Variants in LRRFIP2 observed in about 807,000 individuals in gnomAD.
The protein encoded by LRRFIP2 is LRR binding FLII interacting protein 2, also known as leucine-rich repeat flightless-interacting protein 2.
Under a neutral mutation model 125.9 loss-of-function variants are expected in LRRFIP2, and 109 were observed. The observed-to-expected ratio is 0.87, with a 90% CI of 0.74 to 1.01. The LOEUF is 1.01. Ranked by LOEUF, LRRFIP2 falls within the 50% of genes least tolerant of loss-of-function variation. LRRFIP2 has a pLI of 0.00. For synonymous variants in LRRFIP2, 291 were observed against 293.1 expected (o/e 0.99, Z 0.07); for missense variants, 850 against 862.3 (o/e 0.99, Z 0.18).
At chr3:37,149,387 C>T (rs546420885) in intron 1 of LRRFIP2, among the ~76,000 whole-genome samples, 230 of 152,122 alleles carry the variant, frequency 1.5e-3, no homozygotes, top group African/African-American at 5.0e-3. Flanking sequence ...CAGGGTGGTG[C>T]ATGTCTGTAA....
chr3:37,075,851 C>A (rs1035417747), intron 19 of LRRFIP2, among the ~76,000 whole-genome samples: 2 of 151,868 alleles, frequency 1.3e-5, no homozygotes, highest in Non-Finnish European at 2.9e-5. Context: ...GAATATAGAC[C>A]AAGGGAGCAG....
chr3:37,058,999 G>C, intron 24 of LRRFIP2, 89 bp from the exon 25 acceptor site: 1 of 1,520,946 alleles, frequency 6.6e-7, no homozygotes, highest in Admixed American at 1.8e-5. Context: ...GAACAAAGCA[G>C]ACCCTTATCG....
intron 23 of LRRFIP2, chr3:37,064,189 G>C (rs1057395327): frequency 5.6e-6 from 1 of 178,310 alleles, no homozygotes; most frequent in African/African-American, 2.4e-5. Context: ...GATGGGGTAA[G>C]AGCAGGACTG....
intron 15 of LRRFIP2, 81 bp downstream of exon 15, chr3:37,102,843 T>C (rs867035019): frequency 1.0e-6 from 1 of 955,788 alleles, no homozygotes; most frequent in Non-Finnish European, 1.6e-6. Flanking sequence ...GTTCCCACTT[T>C]TATTATAAAA....
At chr3:37,156,674 A>C (rs1215960264) in intron 1 of LRRFIP2, among the ~76,000 whole-genome samples, 2 of 37,500 alleles carry the variant, frequency 5.3e-5, no homozygotes, top group Non-Finnish European at 8.1e-5. Context: ...ACTCAGTATC[A>C]AAAAAAAAAA....
intron 6 of LRRFIP2, among the ~76,000 whole-genome samples, chr3:37,119,432 G>A (rs746851702): frequency 9.2e-5 from 14 of 151,960 alleles, no homozygotes; most frequent in Admixed American, 5.2e-4. Context: ...AATTTTGCTG[G>A]TTCTACCTTT....
At chr3:37,107,030 G>A (rs958456517) in intron 13 of LRRFIP2, among the ~76,000 whole-genome samples, 1 of 151,280 alleles carries the variant, frequency 6.6e-6, no homozygotes, top group Non-Finnish European at 1.5e-5. Context: ...TCAGCCTCCC[G>A]AGTAGCTGGG....
At chr3:37,106,667 G>T (rs1477303691) in intron 13 of LRRFIP2, among the ~76,000 whole-genome samples, 1 of 152,046 alleles carries the variant, frequency 6.6e-6, no homozygotes, top group Non-Finnish European at 1.5e-5. Context: ...ATTAGGCCAG[G>T]CACAGTGGTT....
intron 18 of LRRFIP2, among the ~76,000 whole-genome samples, chr3:37,085,585 C>CT (rs113687377): frequency 1.2e-3 from 173 of 145,304 alleles, no homozygotes; most frequent in East Asian, 8.3e-3. Context: ...AAATATAAAA[C>CT]TTTTTTTTTT....
intron 25 of LRRFIP2, 93 bp downstream of exon 25, chr3:37,058,697 G>A (rs1416571800): frequency 2.5e-6 from 3 of 1,195,102 alleles, no homozygotes; most frequent in East Asian, 2.5e-5. Context: ...AAAAAGAAAA[G>A]TGTATTACAA....
chr3:37,134,807 C>T, intron 2 of LRRFIP2: 1 of 874,626 alleles, frequency 1.1e-6, no homozygotes, highest in Non-Finnish European at 1.9e-6. Flanking sequence ...GCGGTGTATT[C>T]TTTTTGGCAA....
chr3:37,112,194 G>A (rs1175598459), intron 8 of LRRFIP2, among the ~76,000 whole-genome samples: 2 of 152,010 alleles, frequency 1.3e-5, no homozygotes, highest in African/African-American at 2.4e-5. Context: ...AAATTAGCCA[G>A]GAAGAGTGGC....
intron 13 of LRRFIP2, among the ~76,000 whole-genome samples, chr3:37,107,379 T>A (rs1576695836): frequency 6.6e-6 from 1 of 152,172 alleles, no homozygotes; most frequent in East Asian, 1.9e-4. Flanking sequence ...TAGGTGCTGA[T>A]ACAGAAAGCT....
At chr3:37,093,846 A>T (rs1318621870) in intron 17 of LRRFIP2, among the ~76,000 whole-genome samples, 4 of 152,112 alleles carry the variant, frequency 2.6e-5, no homozygotes, top group Non-Finnish European at 5.9e-5. Context: ...ACTTTGCTAT[A>T]CAGGTAGCTT....
intron 4 of LRRFIP2, among the ~76,000 whole-genome samples, chr3:37,123,198 T>C (rs1052558476): frequency 4.6e-5 from 7 of 152,064 alleles, no homozygotes; most frequent in Admixed American, 3.9e-4. Flanking sequence ...GTTGTTGTTG[T>C]TGTTTTTTGA....
chr3:37,066,562 G>C, intron 21 of LRRFIP2: 1 of 455,182 alleles, frequency 2.2e-6, no homozygotes, highest in Non-Finnish European at 4.0e-6. Context: ...GGCAAAACAT[G>C]TTTAATCACA....
Position 37,063,803 on chromosome 3 carries a change from G to A in LRRFIP2, c.1700-12C>T. 1.2e-6 allele frequency: 2 copies of A among 1,604,150 alleles called. No individual in the cohort carries two copies. The highest frequency in any genetic ancestry group is 1.7e-6 in the Non-Finnish European group (2 of 1,171,596). Reference sequence around the variant, plus strand: ...TCGTAGCCTTACATCTAAAACAAATGAAAAAGATCATAAACTAAATATGTG... The same window carrying A: ...TCGTAGCCTTACATCTAAAACAAATAAAAAAGATCATAAACTAAATATGTG... On this transcript the variant is annotated splice_polypyrimidine_tract_variant and intron_variant, in intron 23 of 27. Transcript: ENST00000336686.
chr3:37,121,637 G>T lies in LRRFIP2; in HGVS notation c.283C>A (p.Leu95Met). The change falls in exon 5 of 28, where the codon CTG becomes ATG. Residue 95 changes from leucine to methionine, a missense_variant and splice_region_variant. Leu to Met is a conservative substitution (Grantham distance 15). Coordinates refer to ENST00000336686, the MANE Select transcript of LRRFIP2 (RefSeq NM_006309.4). The stretch of plus-strand genomic sequence containing the variant: ...CAAGTGTATAGGTTATTACAAACCA[G>T]ATAAGGACGATGGTGACTGGACCGG... ...SHRSSHHRPY[L>M]GVEDALSIRS... is the part of the protein sequence containing the mutation. 1 of 1,614,228 alleles carries T rather than the reference G, an allele frequency of 6.2e-7. No individual in the cohort carries two copies. The highest frequency in any genetic ancestry group is 8.5e-7 in the Non-Finnish European group (1 of 1,180,030).
At chr3:37,085,675 G>A (rs1308115725) in intron 18 of LRRFIP2, among the ~76,000 whole-genome samples, 4 of 150,698 alleles carry the variant, frequency 2.7e-5, no homozygotes, top group Admixed American at 2.6e-4. Flanking sequence ...TCCACCTCCC[G>A]GGTTCACGCG....
Sources: allele counts gnomAD v4.1 joint callset (sites outside exome capture counted in the v4.1 genomes callset), GRCh38; gene constraint gnomAD v4.1.1; transcripts MANE v1.5; gene names NCBI Gene and HGNC (gene_info 2026-07-23, HGNC 2026-07-21).